FTO: variants seen among roughly 807,000 people sequenced by gnomAD.
FTO encodes the protein FTO alpha-ketoglutarate dependent dioxygenase, also known as alpha-ketoglutarate-dependent dioxygenase FTO.
A neutral mutation model predicts 63.9 loss-of-function variants in FTO; 47 were observed. The ratio of observed to expected loss-of-function variants is 0.74; its 90% CI spans 0.58 to 0.94. FTO has a LOEUF of 0.94. Ranked by LOEUF, FTO falls within the 40% of genes least tolerant of loss-of-function variation. The pLI, the probability that FTO is intolerant of heterozygous loss-of-function variation, is 0.00. For missense variants in FTO, 562 were observed against 618.1 expected (o/e 0.91, Z 0.96); for synonymous variants, 207 against 224.4 (o/e 0.92, Z 0.69).
intron 1 of FTO, among the ~76,000 whole-genome samples, chr16:53,771,451 T>G (rs939394530): frequency 1.3e-5 from 2 of 152,040 alleles, no homozygotes; most frequent in Admixed American, 6.6e-5. Context: ...CATCGCAATT[T>G]CTTCCTATCT....
intron 4 of FTO, among the ~76,000 whole-genome samples, chr16:53,846,448 T>C (rs746949748): frequency 1.3e-5 from 2 of 152,222 alleles, no homozygotes; most frequent in South Asian, 4.1e-4. Flanking sequence ...TAGCAATGTA[T>C]ATCTTTCAAA....
chr16:54,037,855 A>G (rs1475236969), intron 8 of FTO, among the ~76,000 whole-genome samples: 4 of 152,358 alleles, frequency 2.6e-5, no homozygotes, highest in South Asian at 2.1e-4. Context: ...GCATATATCA[A>G]CTAGGCTTGT....
chr16:53,877,284 A>G (rs1203426586), intron 5 of FTO, among the ~76,000 whole-genome samples: 2 of 152,222 alleles, frequency 1.3e-5, no homozygotes, highest in Non-Finnish European at 2.9e-5. Context: ...AAAAAGTGGA[A>G]ACAACCCAAA....
intron 4 of FTO, among the ~76,000 whole-genome samples, chr16:53,860,079 G>GTATATC (rs1260318079): frequency 2.6e-5 from 4 of 151,852 alleles, no homozygotes; most frequent in Admixed American, 2.6e-4. Context: ...AATGCAGTAG[G>GTATATC]TATATCTATA....
At chr16:53,858,081 A>T (rs187627984) in intron 4 of FTO, among the ~76,000 whole-genome samples, 1 of 152,328 alleles carries the variant, frequency 6.6e-6, no homozygotes, top group East Asian at 1.9e-4. Context: ...TATAAAAAAA[A>T]ACTAGAAGGA....
Position 53,931,827 on chromosome 16 carries a change from T to A in FTO, c.1240-2158T>A, listed in dbSNP as rs538839591. ...ACCCACATGGTATTTTTTTAAAAAATTTTAATGAGTTTACAAGATTTACAA... is the reference window on the plus strand; with the variant it reads ...ACCCACATGGTATTTTTTTAAAAAAATTTAATGAGTTTACAAGATTTACAA... On this transcript the variant is annotated intron_variant, in intron 7 of 8. Coordinates refer to ENST00000471389, the MANE Select transcript of FTO (RefSeq NM_001080432.3). Among the ~76,000 whole-genome samples, 9 of 151,958 alleles carry A rather than the reference T, an allele frequency of 5.9e-5. No individual in the cohort carries two copies. In the East Asian group the frequency reaches 1.7e-3, roughly 29 times the overall value.
chr16:53,948,898 C>T (rs1278464025), intron 8 of FTO, among the ~76,000 whole-genome samples: 6 of 152,174 alleles, frequency 3.9e-5, no homozygotes, highest in African/African-American at 1.4e-4. Context: ...TGTGTATTGC[C>T]TCTGTGACCT....
At chr16:53,934,287 A>G (rs575018189) in intron 8 of FTO, among the ~76,000 whole-genome samples, 178 bp downstream of exon 8, 1 of 152,378 alleles carries the variant, frequency 6.6e-6, no homozygotes, top group South Asian at 2.1e-4. Context: ...CATTAATTGT[A>G]ATGATCCATT....
chr16:53,843,428 A>G (rs1463120354), intron 3 of FTO, among the ~76,000 whole-genome samples: 1 of 152,178 alleles, frequency 6.6e-6, no homozygotes, highest in Non-Finnish European at 1.5e-5. Context: ...TTTGGCTTTA[A>G]CATGCATTTC....
At chr16:53,792,836 G>C (rs2077961958) in intron 1 of FTO, among the ~76,000 whole-genome samples, 3 of 152,172 alleles carry the variant, frequency 2.0e-5, no homozygotes, top group Admixed American at 2.0e-4. Flanking sequence ...GTCAAGGGGT[G>C]TATCATTAGG....
chr16:53,950,556 T>A (rs1287358375), intron 8 of FTO, among the ~76,000 whole-genome samples: 2 of 152,202 alleles, frequency 1.3e-5, no homozygotes, highest in East Asian at 3.8e-4. Flanking sequence ...CAAATACATT[T>A]AAAAAATTTT....
At chr16:53,907,094 AT>A (rs1195114578) in intron 7 of FTO, among the ~76,000 whole-genome samples, 1 of 152,206 alleles carries the variant, frequency 6.6e-6, no homozygotes, top group Admixed American at 6.5e-5. Flanking sequence ...AAACTCATTA[AT>A]GGGTTCCACT....
intron 8 of FTO, among the ~76,000 whole-genome samples, chr16:54,066,600 T>C (rs1299171825): frequency 6.6e-6 from 1 of 152,218 alleles, no homozygotes; most frequent in Non-Finnish European, 1.5e-5. Flanking sequence ...GCGCATGTGC[T>C]CACCAGCCCA....
chr16:53,823,102 C>T (rs896584548), intron 2 of FTO, among the ~76,000 whole-genome samples: 2 of 152,158 alleles, frequency 1.3e-5, no homozygotes, highest in Non-Finnish European at 2.9e-5. Flanking sequence ...TCCATCTTCG[C>T]CTACTCCAAT....
intron 1 of FTO, among the ~76,000 whole-genome samples, chr16:53,741,585 A>G (rs765053547): frequency 1.3e-5 from 2 of 152,158 alleles, no homozygotes; most frequent in Non-Finnish European, 2.9e-5. Flanking sequence ...TTTTTTTCAC[A>G]TAATCTGAAT....
chr16:54,048,541 A>T (rs2085238685), intron 8 of FTO, among the ~76,000 whole-genome samples: 1 of 152,274 alleles, frequency 6.6e-6, no homozygotes, highest in African/African-American at 2.4e-5. Context: ...AGGATCAGAA[A>T]GAACAATTGG....
chr16:54,048,414 T>C (rs1047552600), intron 8 of FTO, among the ~76,000 whole-genome samples: 2 of 152,116 alleles, frequency 1.3e-5, no homozygotes, highest in African/African-American at 4.8e-5. Context: ...AAGGCAAAAG[T>C]CGTTTTGATA....
intron 1 of FTO, among the ~76,000 whole-genome samples, chr16:53,785,453 C>G (rs1231219557): frequency 6.6e-6 from 1 of 151,928 alleles, no homozygotes; most frequent in Non-Finnish European, 1.5e-5. Flanking sequence ...GGTGAGAGTG[C>G]TGTTTTTGAT....
intron 8 of FTO, among the ~76,000 whole-genome samples, chr16:54,077,612 C>T (rs62034117): frequency 6.6e-6 from 1 of 152,042 alleles, no homozygotes; most frequent in African/African-American, 2.4e-5. Flanking sequence ...AGTTTGTGCC[C>T]AAAGTTCAGC....
Sources: gnomAD v4.1 joint callset for allele counts (sites outside exome capture counted in the v4.1 genomes callset) on GRCh38, gnomAD v4.1.1 for gene constraint, MANE v1.5 for transcripts, NCBI Gene and HGNC (gene_info 2026-07-23, HGNC 2026-07-21) for gene names.